NPNT: variants seen among roughly 807,000 people sequenced by gnomAD.
NPNT encodes the protein preosteoblast EGF-like repeat protein with MAM domain.
Under a neutral mutation model 68.6 loss-of-function variants are expected in NPNT, and 45 were observed. The ratio of observed to expected loss-of-function variants is 0.66; its 90% confidence interval spans 0.52 to 0.84. The LOEUF is 0.84. Ranked by LOEUF, NPNT falls within the 40% of genes least tolerant of loss-of-function variation. The pLI, the probability that NPNT is intolerant of heterozygous loss-of-function variation, is 0.00. For missense variants in NPNT, 672 were observed against 714.8 expected (o/e 0.94, Z 0.68); for synonymous variants, 233 against 253.3 (o/e 0.92, Z 0.76).
intron 7 of NPNT, among the ~76,000 whole-genome samples, chr4:105,941,881 G>A (rs992035454): frequency 5.9e-5 from 9 of 152,068 alleles, no homozygotes; most frequent in African/African-American, 1.9e-4. Flanking sequence ...TAATATACAC[G>A]TAGCATAGGG....
chr4:105,927,290 G>A (rs750977231), intron 2 of NPNT, 46 bp from the exon 3 acceptor site: 6 of 1,154,050 alleles, frequency 5.2e-6, no homozygotes, highest in Non-Finnish European at 7.8e-6. Flanking sequence ...TATATGATTG[G>A]TGTTTCGTTG....
At chr4:105,925,131 C>T (rs868522978) in intron 2 of NPNT, among the ~76,000 whole-genome samples, 14 of 152,142 alleles carry the variant, frequency 9.2e-5, no homozygotes, top group Non-Finnish European at 1.0e-4. Context: ...ATAAACCATC[C>T]GCCTAGTGTA....
intron 3 of NPNT, chr4:105,932,741 C>T (rs1729214071): frequency 2.2e-6 from 3 of 1,336,204 alleles, no homozygotes; most frequent in African/African-American, 1.4e-5. Context: ...GCTCTTCCCA[C>T]CTGCATGGCT....
At chr4:105,914,348 C>T (rs1021438051) in intron 2 of NPNT, among the ~76,000 whole-genome samples, 1 of 136,524 alleles carries the variant, frequency 7.3e-6, no homozygotes, top group Non-Finnish European at 1.5e-5. Flanking sequence ...GGCTCTCTCT[C>T]TCCATTCTCT....
chr4:105,913,801 GT>G (rs1727572097), intron 2 of NPNT, among the ~76,000 whole-genome samples: 2 of 152,100 alleles, frequency 1.3e-5, no homozygotes, highest in Non-Finnish European at 2.9e-5. Context: ...CTTCTGAACC[GT>G]TTTTCCCATT....
At chr4:105,905,635 G>A (rs900318055) in intron 2 of NPNT, among the ~76,000 whole-genome samples, 2 of 151,994 alleles carry the variant, frequency 1.3e-5, no homozygotes, top group Non-Finnish European at 2.9e-5. Flanking sequence ...ATGAATGAAT[G>A]TACTATAATT....
chr4:105,923,565 G>A (rs1728427088), intron 2 of NPNT, among the ~76,000 whole-genome samples: 1 of 152,090 alleles, frequency 6.6e-6, no homozygotes, highest in South Asian at 2.1e-4. Flanking sequence ...TTGCTAGGAT[G>A]GTGATTTAGG....
intron 8 of NPNT, among the ~76,000 whole-genome samples, chr4:105,948,589 G>T (rs1191280097): frequency 1.3e-5 from 2 of 152,112 alleles, no homozygotes; most frequent in Non-Finnish European, 2.9e-5. Flanking sequence ...TTGATGGGGA[G>T]AACTTATGTG....
At chr4:105,897,864 A>G (rs1266396958) in intron 1 of NPNT, 37 bp from the exon 2 acceptor site, 5 of 1,505,946 alleles carry the variant, frequency 3.3e-6, no homozygotes, top group Non-Finnish European at 4.6e-6. Flanking sequence ...TCTTCTCAAA[A>G]GTGTCCTTAT....
At position 105,895,511 on chromosome 4, in the gene NPNT, C is replaced by T; in HGVS notation, c.-142C>T. 1.5e-6 allele frequency: 1 copy of T among 674,254 alleles called. No homozygotes were observed. The highest frequency in any genetic ancestry group is 2.5e-6 in the Non-Finnish European group (1 of 406,824). The allele number at this position is 674,254 out of a possible 1,614,324, so 41.8% of individuals were successfully genotyped here. A position where few individuals can be genotyped will look rare whatever the true frequency, so the allele number is the denominator to read the frequency against. ...TCCGGCCGCGCGCCTCGCCGCTGTC[C>T]TCCGGGAGCGGCAGCAGTAGCCCGG... On this transcript the variant is annotated 5_prime_UTR_variant, in exon 1 of 12. Transcript: ENST00000379987.
At chr4:105,928,149 TCA>T (rs1435003233) in intron 3 of NPNT, among the ~76,000 whole-genome samples, 3 of 152,172 alleles carry the variant, frequency 2.0e-5, no homozygotes, top group African/African-American at 7.2e-5. Context: ...TTGCTCAGGT[TCA>T]CAGAGTTAGT....
At chr4:105,942,024 A>G (rs1002417756) in intron 7 of NPNT, among the ~76,000 whole-genome samples, 6 of 152,012 alleles carry the variant, frequency 3.9e-5, no homozygotes, top group Non-Finnish European at 5.9e-5. Flanking sequence ...GTTGCAAATA[A>G]TACATATAAA....
At chr4:105,968,292 G>T (rs908753959) in intron 11 of NPNT, among the ~76,000 whole-genome samples, 11 of 152,094 alleles carry the variant, frequency 7.2e-5, no homozygotes, top group African/African-American at 2.7e-4. Flanking sequence ...TTATTGTTTA[G>T]AGAAATAAAA....
At chr4:105,955,027 G>A (rs1731109938) in intron 8 of NPNT, among the ~76,000 whole-genome samples, 1 of 152,212 alleles carries the variant, frequency 6.6e-6, no homozygotes, top group Admixed American at 6.5e-5. Context: ...ATGAGTGGAT[G>A]GAGTAGAAGG....
At position 105,897,691 on chromosome 4, in the gene NPNT, G is replaced by A. The variant is rs80144625; in HGVS notation, c.72-210G>A. ...TTTCTCCTACCCTTGTGTGTTGGGGGATGGGGTATTTAACTGTCTGAAATT... is the reference window on the plus strand; with the variant it reads ...TTTCTCCTACCCTTGTGTGTTGGGGAATGGGGTATTTAACTGTCTGAAATT... On this transcript the variant is annotated intron_variant, in intron 1 of 11. Transcript: ENST00000379987. Among the ~76,000 whole-genome samples the A allele has an allele frequency of 5.9e-3, 901 of 152,248 alleles. 8 individuals carry two copies. The highest frequency in any genetic ancestry group is 0.02 in the African/African-American group (833 of 41,534).
chr4:105,960,355 A>G (rs1731624723), intron 10 of NPNT, among the ~76,000 whole-genome samples: 1 of 152,234 alleles, frequency 6.6e-6, no homozygotes, highest in African/African-American at 2.4e-5. Context: ...CTCAAACTTC[A>G]CTGTGATTGC....
intron 2 of NPNT, among the ~76,000 whole-genome samples, chr4:105,924,159 C>T (rs1419323782): frequency 1.3e-5 from 2 of 152,080 alleles, no homozygotes; most frequent in African/African-American, 2.4e-5. Context: ...ACACACCCTC[C>T]TTGGTTCTTT....
intron 3 of NPNT, among the ~76,000 whole-genome samples, chr4:105,930,088 G>A (rs552027742): frequency 1.3e-5 from 2 of 152,228 alleles, no homozygotes; most frequent in South Asian, 2.1e-4. Flanking sequence ...TAAAACTACA[G>A]CTTAAAATAA....
At chr4:105,895,826 C>A in intron 1 of NPNT, 103 bp downstream of exon 1, 1 of 1,021,808 alleles carries the variant, frequency 9.8e-7, no homozygotes, top group Non-Finnish European at 1.5e-6. Context: ...AGAGAGGCGT[C>A]TCCTCCATCC....
Sources: allele counts gnomAD v4.1 joint callset (sites outside exome capture counted in the v4.1 genomes callset), GRCh38; gene constraint gnomAD v4.1.1; transcripts MANE v1.5; gene names NCBI Gene and HGNC (gene_info 2026-07-23, HGNC 2026-07-21).